TNKS: variants seen among roughly 807,000 people sequenced by gnomAD.
TNKS encodes poly [ADP-ribose] polymerase tankyrase-1.
TNKS carries 72 observed loss-of-function variants against 135.8 expected under a neutral mutation model. The ratio of observed to expected loss-of-function variants is 0.53; its 90% CI spans 0.44 to 0.64. The LOEUF is 0.64. Ranked by LOEUF, TNKS falls within the 30% of genes least tolerant of loss-of-function variation. TNKS has a pLI of 0.00. For missense variants in TNKS, 1,769 were observed against 1,674.0 expected (o/e 1.06, Z -0.99); for synonymous variants, 849 against 649.3 (o/e 1.31, Z -4.68).
rs907789007 is a variant in TNKS at position 9,778,806 on chromosome 8, A to C, written c.*2070A>C. The C allele has an allele frequency of 3.9e-5, 6 of 152,170 alleles. No homozygotes were observed. The highest frequency in any genetic ancestry group is 1.4e-4 in the African/African-American group (6 of 41,432). The allele number at this position is 152,170 out of a possible 1,614,324, so 9.4% of individuals were successfully genotyped here. ...CCAGACGTAGTTTAAAATGGTAAAC[A>C]CAGCTGTGATTTTTAGTTAAGTAAA... On this transcript the variant is annotated 3_prime_UTR_variant, in exon 27 of 27. Coordinates refer to ENST00000310430, the MANE Select transcript of TNKS (RefSeq NM_003747.3).
At chr8:9,685,659 G>A (rs7005902) in intron 5 of TNKS, among the ~76,000 whole-genome samples, 3,245 of 152,200 alleles carry the variant, frequency 0.021, 53 homozygotes, top group Non-Finnish European at 0.033. Flanking sequence ...AATTCAGTTG[G>A]AGCTTGGCCT....
At chr8:9,598,159 C>T (rs1408546218) in intron 2 of TNKS, among the ~76,000 whole-genome samples, 1 of 152,126 alleles carries the variant, frequency 6.6e-6, no homozygotes, top group Non-Finnish European at 1.5e-5. Context: ...CATTCTCCTG[C>T]CTCAGCCTCC....
chr8:9,680,589 C>T (rs1211157263), intron 4 of TNKS, 136 bp from the exon 5 acceptor site: 5 of 586,516 alleles, frequency 8.5e-6, no homozygotes, highest in African/African-American at 1.9e-5. Flanking sequence ...TTGAATATTG[C>T]AAAAGAGATT....
intron 7 of TNKS, 21 bp downstream of exon 7, chr8:9,706,274 T>G: frequency 6.6e-7 from 1 of 1,514,700 alleles, no homozygotes; most frequent in Non-Finnish European, 8.8e-7. Context: ...TTCAGAATAT[T>G]GAGCATCATT....
Position 9,702,270 on chromosome 8 carries a change from C to T in TNKS, c.1108-2393C>T, listed in dbSNP as rs112285778. ...GTGAAAACTATATAGGTCTAAGAAGCACTGCAAGCTCCAATTGTGGGCATG... is the reference window on the plus strand; with the variant it reads ...GTGAAAACTATATAGGTCTAAGAAGTACTGCAAGCTCCAATTGTGGGCATG... On this transcript the variant is annotated intron_variant, in intron 5 of 26. Transcript: ENST00000310430. Among the ~76,000 whole-genome samples the T allele has an allele frequency of 1.1e-4, 17 of 152,206 alleles. 2 individuals carry two copies. Among genetic ancestry groups the T allele is most frequent in the African/African-American group, 4.1e-4 (17 of 41,508 alleles).
rs1815273260 is a variant in TNKS at position 9,556,065 on chromosome 8, G to T, written c.126G>T (p.Gly42=). ...CACTCAGCCCTGGCCTGGCCCCGGGGACCACCCCAGCCTCTCCCACGGCCA... is the reference window on the plus strand; with the variant it reads ...CACTCAGCCCTGGCCTGGCCCCGGGTACCACCCCAGCCTCTCCCACGGCCA... ...PPPLSPGLAP[G]TTPASPTASG... is the part of the protein sequence containing the mutation. Residue 42 remains glycine, a synonymous_variant, in exon 1 of 27, where the codon GGG becomes GGT. Transcript: ENST00000310430. 6.2e-7 allele frequency: 1 copy of T among 1,607,750 alleles called. No homozygotes were observed. The highest frequency in any genetic ancestry group is 8.5e-7 in the Non-Finnish European group (1 of 1,178,206).
At chr8:9,590,339 T>TAATGTTA (rs1798544934) in intron 2 of TNKS, among the ~76,000 whole-genome samples, 1 of 152,226 alleles carries the variant, frequency 6.6e-6, no homozygotes, top group African/African-American at 2.4e-5. Context: ...TTTTCACTAA[T>TAATGTTA]AATGTTAATT....
chr8:9,656,584 T>TTC (rs980819887), intron 3 of TNKS, among the ~76,000 whole-genome samples: 5 of 151,452 alleles, frequency 3.3e-5, no homozygotes, highest in Non-Finnish European at 5.9e-5. Context: ...GGGGCCAATA[T>TTC]TCAACATTCT....
chr8:9,715,457 G>A (rs1014886281), intron 11 of TNKS, among the ~76,000 whole-genome samples: 3 of 151,996 alleles, frequency 2.0e-5, no homozygotes, highest in African/African-American at 7.2e-5. Flanking sequence ...AGGCCACCTG[G>A]TACCACCTGT....
At chr8:9,686,644 C>T (rs1803013668) in intron 5 of TNKS, among the ~76,000 whole-genome samples, 2 of 152,026 alleles carry the variant, frequency 1.3e-5, no homozygotes, top group Admixed American at 1.3e-4. Context: ...AATGTATTTA[C>T]GTCTTTAGAT....
rs560407562 is a variant in TNKS, at chr8:9,633,154, T to C, written c.994+17477T>C. 1.0e-3 allele frequency among the ~76,000 whole-genome samples: 158 copies of C among 152,344 alleles called. 1 individual carries two copies. The highest frequency in any genetic ancestry group is 3.7e-3 in the African/African-American group (152 of 41,586). Reference sequence around the variant, plus strand: ...AAGTGTTTTAAAAGTTAAATTAAGATTTTTTACTCTTCCTTCCAAAAATGT... The same window carrying C: ...AAGTGTTTTAAAAGTTAAATTAAGACTTTTTACTCTTCCTTCCAAAAATGT... On this transcript the variant is annotated intron_variant, in intron 3 of 26. Transcript: ENST00000310430.
In TNKS at chr8:9,779,485, C is replaced by G. The variant is rs548411241; in HGVS notation, c.*2749C>G. The G allele has an allele frequency of 6.6e-6, 1 of 152,296 alleles. No individual in the cohort carries two copies. The highest frequency in any genetic ancestry group is 1.9e-4 in the East Asian group (1 of 5,184). 9.4% of individuals were successfully genotyped at this position (152,296 alleles called of 1,614,324 possible). The stretch of plus-strand genomic sequence containing the variant: ...CGAGTTCCAAAACTAAAGGGCTTCT[C>G]CAGACCTGATGGTTCCAGTTTACCT... On this transcript the variant is annotated 3_prime_UTR_variant, in exon 27 of 27. Coordinates refer to ENST00000310430, the MANE Select transcript of TNKS (RefSeq NM_003747.3).
rs1808301418 is a variant in TNKS at position 9,777,938 on chromosome 8, T to G, written c.*1202T>G. The stretch of plus-strand genomic sequence containing the variant: ...TTGGGGTTTATTTTGAGTGGCATGC[T>G]TCAAATAGTTCATAAAGATCCTTGC... On this transcript the variant is annotated 3_prime_UTR_variant, in exon 27 of 27. Coordinates refer to ENST00000310430, the MANE Select transcript of TNKS (RefSeq NM_003747.3). 1 of 152,616 alleles carries G rather than the reference T, an allele frequency of 6.6e-6. No homozygotes were observed. Among genetic ancestry groups the G allele is most frequent in the Non-Finnish European group, 1.5e-5 (1 of 68,036 alleles). 9.5% of individuals were successfully genotyped at this position (152,616 alleles called of 1,614,324 possible). A position where few individuals can be genotyped will look rare whatever the true frequency, so the allele number is the denominator to read the frequency against.
intron 1 of TNKS, 159 bp downstream of exon 1, chr8:9,556,771 C>T: frequency 4.6e-6 from 3 of 658,582 alleles, no homozygotes; most frequent in Non-Finnish European, 4.7e-6. Context: ...TTTGGTGGTG[C>T]CTGGGTGATG....
At chr8:9,756,800 G>C (rs1204231066) in intron 20 of TNKS, among the ~76,000 whole-genome samples, 1 of 152,008 alleles carries the variant, frequency 6.6e-6, no homozygotes, top group Non-Finnish European at 1.5e-5. Context: ...GTTGCTTTCA[G>C]ATTCATCCCT....
chr8:9,717,266 C>T (rs1428841313), intron 11 of TNKS, among the ~76,000 whole-genome samples: 1 of 151,004 alleles, frequency 6.6e-6, no homozygotes, highest in Non-Finnish European at 1.5e-5. Flanking sequence ...ATTACTATGT[C>T]AGTATTGTAT....
intron 17 of TNKS, among the ~76,000 whole-genome samples, chr8:9,744,243 A>G (rs1806121693): frequency 6.6e-6 from 1 of 152,214 alleles, no homozygotes; most frequent in African/African-American, 2.4e-5. Context: ...TTTATACAAG[A>G]CAGTTAACTT....
rs973001655 is a variant in TNKS, at chr8:9,736,372, A to G, written c.2643+886A>G. 2.0e-5 allele frequency among the ~76,000 whole-genome samples: 3 copies of G among 151,102 alleles called. No homozygotes were observed. In the East Asian group the frequency reaches 5.8e-4, roughly 29 times the overall value. On this transcript the variant is annotated intron_variant, in intron 17 of 26. Coordinates refer to ENST00000310430, the MANE Select transcript of TNKS (RefSeq NM_003747.3). Reference sequence around the variant, plus strand: ...ATCTAAAAAAAAAAAAAAAAAAAAAAAATTAAATGGTTGAGCAGTTGATAT... The same window carrying G: ...ATCTAAAAAAAAAAAAAAAAAAAAAGAATTAAATGGTTGAGCAGTTGATAT...
chr8:9,615,755 A>G (rs936141204), intron 3 of TNKS, 78 bp downstream of exon 3: 26 of 1,210,346 alleles, frequency 2.1e-5, no homozygotes, highest in Admixed American at 1.9e-4. Flanking sequence ...GTTATGCTGA[A>G]TTTTTCTTTT....
Sources: gnomAD v4.1 joint callset for allele counts (sites outside exome capture counted in the v4.1 genomes callset) on GRCh38, gnomAD v4.1.1 for gene constraint, MANE v1.5 for transcripts, NCBI Gene and HGNC (gene_info 2026-07-23, HGNC 2026-07-21) for gene names.